LEMD3: variants seen among roughly 807,000 people sequenced by gnomAD.
LEMD3 encodes the protein inner nuclear membrane protein Man1.
A neutral mutation model predicts 95.2 loss-of-function variants in LEMD3; 33 were observed. That is an observed-to-expected ratio of 0.35 (90% CI 0.26 to 0.46). The LOEUF (loss-of-function observed/expected upper bound fraction) is 0.46, where lower values mean the gene tolerates loss of function less well. LEMD3 is among the 20% of genes least tolerant of loss of function. The pLI, the probability that LEMD3 is intolerant of heterozygous loss-of-function variation, is 1.00. For synonymous variants in LEMD3, 525 were observed against 474.6 expected (o/e 1.11, Z -1.38); for missense variants, 1,210 against 1,192.8 (o/e 1.01, Z -0.21).
At position 65,170,623 on chromosome 12, in the gene LEMD3, G is replaced by A. The variant is rs886049777; in HGVS notation, c.1027G>A (p.Gly343Arg). ...CGAAGAGGCGGCGGCCGCGGAGCAGGGAGGAGGGTGTGATCAAGTGGACTC... is the reference window on the plus strand; with the variant it reads ...CGAAGAGGCGGCGGCCGCGGAGCAGAGAGGAGGGTGTGATCAAGTGGACTC... Reference protein sequence around the residue: ...NLEEAAAAEQGGGCDQVDSSP... With the variant: ...NLEEAAAAEQRGGCDQVDSSP... Residue 343 changes from glycine (G) to arginine (R), a missense_variant, in exon 1 of 13, where the codon GGA becomes AGA. By Grantham distance (125) the Gly-to-Arg change is moderately radical. This residue lies in a region of LEMD3 where 749 missense variants were observed against 622.9 expected (regional missense o/e 1.20). Transcript: ENST00000308330. 2 of 1,614,150 alleles carry A rather than the reference G, an allele frequency of 1.2e-6. No homozygotes were observed. Among genetic ancestry groups the A allele is most frequent in the East Asian group, 4.5e-5 (2 of 44,870 alleles).
Position 65,246,781 on chromosome 12 carries a change from A to G in LEMD3, c.*456A>G, listed in dbSNP as rs1871124723. ...ACTGTTGATTTCCCAATTTAACCTT[A>G]GGTTTCTGTTGCTTATAAGCGATTC... is the stretch of plus-strand genomic sequence containing the variant. On this transcript the variant is annotated 3_prime_UTR_variant, in exon 13 of 13. Transcript: ENST00000308330. 1 of 168,216 alleles carries G rather than the reference A, an allele frequency of 5.9e-6. No homozygotes were observed. Among genetic ancestry groups the G allele is most frequent in the South Asian group, 1.6e-4 (1 of 6,300 alleles). The allele number at this position is 168,216 out of a possible 1,614,324, so 10.4% of individuals were successfully genotyped here.
chr12:65,239,632 C>T lies in LEMD3; in HGVS notation c.1922-297C>T, dbSNP rs932337495. Among the ~76,000 whole-genome samples, 4 of 151,830 alleles carry T rather than the reference C, an allele frequency of 2.6e-5. No individual in the cohort carries two copies. The South Asian group carries it at 6.2e-4, about 24-fold the overall frequency. On this transcript the variant is annotated intron_variant, in intron 6 of 12. Coordinates refer to ENST00000308330, the MANE Select transcript of LEMD3 (RefSeq NM_014319.5). ...ATCTCATGAGGTTCACTTTTCTAGT[C>T]GTTTTATGCTTCAAAGGAAAAAAGT...
chr12:65,223,403 A>C (rs1427721667), intron 4 of LEMD3, among the ~76,000 whole-genome samples: 4 of 150,692 alleles, frequency 2.7e-5, no homozygotes, highest in African/African-American at 9.8e-5. Context: ...TCCTGGGCTC[A>C]AGTGATCCTC....
chr12:65,239,790 T>TA, intron 6 of LEMD3, 139 bp from the exon 7 acceptor site: 4 of 608,116 alleles, frequency 6.6e-6, no homozygotes, highest in Non-Finnish European at 1.2e-5. Context: ...TAAATTTTTT[T>TA]ATGTAGTTTT....
chr12:65,208,758 T>G (rs1869838880), intron 1 of LEMD3, among the ~76,000 whole-genome samples: 1 of 152,126 alleles, frequency 6.6e-6, no homozygotes, highest in African/African-American at 2.4e-5. Context: ...TCTGTTCATT[T>G]AATAGGTGGC....
intron 4 of LEMD3, among the ~76,000 whole-genome samples, chr12:65,222,830 G>A (rs1870333248): frequency 6.6e-6 from 1 of 150,696 alleles, no homozygotes; most frequent in South Asian, 2.1e-4. Context: ...AATTTTGTTA[G>A]GTTGTGTTTT....
chr12:65,228,519 C>G (rs1197859622), intron 4 of LEMD3, among the ~76,000 whole-genome samples: 2 of 151,864 alleles, frequency 1.3e-5, no homozygotes, highest in African/African-American at 2.4e-5. Flanking sequence ...CCTCAGCCTC[C>G]CAAATAGCTG....
Position 65,169,838 on chromosome 12 carries a change from C to A in LEMD3, c.242C>A (p.Pro81Gln). The change falls in exon 1 of 13, where the codon CCA becomes CAA. Residue 81 changes from proline (P) to glutamine (Q), a missense_variant. Transcript: ENST00000308330. The part of the protein sequence containing the change: ...TAAATVAAAG[P>Q]AAAAAAGMGV... The stretch of plus-strand genomic sequence containing the variant: ...GCCGCCACGGTCGCAGCCGCGGGAC[C>A]AGCGGCGGCGGCGGCCGCGGGGATG... The A allele has an allele frequency of 6.8e-7, 1 of 1,465,018 alleles. No individual in the cohort carries two copies. The allele number at this position is 1,465,018 out of a possible 1,614,324, so 90.8% of individuals were successfully genotyped here.
intron 1 of LEMD3, among the ~76,000 whole-genome samples, chr12:65,207,916 C>T (rs1348238474): frequency 6.6e-6 from 1 of 151,990 alleles, no homozygotes; most frequent in Non-Finnish European, 1.5e-5. Context: ...GAGAAAAGAT[C>T]AGTAAAACTA....
chr12:65,238,995 T>C (rs1474481982), intron 6 of LEMD3, among the ~76,000 whole-genome samples, 181 bp downstream of exon 6: 4 of 152,004 alleles, frequency 2.6e-5, no homozygotes, highest in Non-Finnish European at 5.9e-5. Context: ...AAAGCAGTAA[T>C]ATAAGGAGAG....
intron 1 of LEMD3, among the ~76,000 whole-genome samples, chr12:65,187,449 C>G (rs1869102137): frequency 6.6e-6 from 1 of 152,042 alleles, no homozygotes; most frequent in Non-Finnish European, 1.5e-5. Flanking sequence ...AGAAACTCAT[C>G]CAAAGTCAGT....
At chr12:65,171,195 A>T (rs1279343982) in intron 1 of LEMD3, 77 bp downstream of exon 1, 2 of 1,592,910 alleles carry the variant, frequency 1.3e-6, no homozygotes, top group African/African-American at 1.3e-5. Context: ...TTAGCGTTTT[A>T]CATGAAGTGA....
intron 2 of LEMD3, among the ~76,000 whole-genome samples, chr12:65,213,207 G>T (rs964259223): frequency 2.0e-5 from 3 of 152,064 alleles, no homozygotes; most frequent in African/African-American, 7.2e-5. Context: ...TATATAGACG[G>T]TCATTTAAAC....
At chr12:65,221,964 A>C (rs569971775) in intron 4 of LEMD3, among the ~76,000 whole-genome samples, 4 of 151,950 alleles carry the variant, frequency 2.6e-5, no homozygotes, top group Non-Finnish European at 5.9e-5. Flanking sequence ...GCTGGTCTCG[A>C]ACTCCTGACC....
chr12:65,240,271 C>A, intron 8 of LEMD3, 33 bp downstream of exon 8: 3 of 1,495,072 alleles, frequency 2.0e-6, no homozygotes, highest in Non-Finnish European at 2.8e-6. Context: ...TCAAGTAAAT[C>A]AGAAAATTTA....
chr12:65,211,375 A>G (rs1043155776), intron 2 of LEMD3, among the ~76,000 whole-genome samples: 1 of 152,176 alleles, frequency 6.6e-6, no homozygotes, highest in Non-Finnish European at 1.5e-5. Context: ...GATCTTCTGC[A>G]TATTGGCATG....
rs11175668 is a variant in LEMD3, at chr12:65,186,093, A to G, written c.1522+14975A>G. ...AAGATATATTAGGTTATCTCTCTCC[A>G]TGCTGCTGGGCATAGTTACAAAACA... On this transcript the variant is annotated intron_variant, in intron 1 of 12. Transcript: ENST00000308330. Among the ~76,000 whole-genome samples, 2,332 of 152,220 alleles carry G rather than the reference A, an allele frequency of 0.015. 88 individuals are homozygous for G. The East Asian group carries it at 0.17, about 11-fold the overall frequency.
intron 3 of LEMD3, 73 bp from the exon 4 acceptor site, chr12:65,218,479 G>T: frequency 1.2e-6 from 1 of 839,794 alleles, no homozygotes; most frequent in Non-Finnish European, 1.9e-6. Flanking sequence ...TAAAATATTT[G>T]AATTAATTAT....
At chr12:65,224,396 C>T (rs978978981) in intron 4 of LEMD3, among the ~76,000 whole-genome samples, 1 of 152,044 alleles carries the variant, frequency 6.6e-6, no homozygotes, top group Non-Finnish European at 1.5e-5. Context: ...GTTTTGCTTT[C>T]CACAGTTTCA....
Sources: allele counts gnomAD v4.1 joint callset (sites outside exome capture counted in the v4.1 genomes callset), GRCh38; gene constraint gnomAD v4.1.1; regional missense constraint gnomAD v4.1.1; transcripts MANE v1.5; gene names NCBI Gene and HGNC (gene_info 2026-07-23, HGNC 2026-07-21).